DCAF16: variants seen among roughly 807,000 people sequenced by gnomAD.
DCAF16 encodes the protein DDB1 and CUL4 associated factor 16, also known as DDB1- and CUL4-associated factor 16.
Under a neutral mutation model 17.3 loss-of-function variants are expected in DCAF16, and 10 were observed. That is an observed-to-expected ratio of 0.58 (90% CI 0.36 to 0.98). DCAF16 has a LOEUF of 0.98. DCAF16 is among the 50% of genes least tolerant of loss of function. DCAF16 has a pLI of 0.01. For missense variants in DCAF16, 249 were observed against 247.6 expected, an observed-to-expected ratio of 1.01 and a Z score of -0.04; for synonymous variants, 111 against 92.8, an observed-to-expected ratio of 1.20 and a Z score of -1.12.
At chr4:17,798,209 G>A (rs2109010268), downstream of DCAF16, among the ~76,000 whole-genome samples, 1 of 151,504 alleles carries the variant, frequency 6.6e-6, no homozygotes, top group South Asian at 2.1e-4. Context: ...AGTCAACTTC[G>A]TTTTATGATT....
At chr4:17,808,638 T>C (rs1365821407) in intron 1 of DCAF16, among the ~76,000 whole-genome samples, 1 of 151,602 alleles carries the variant, frequency 6.6e-6, no homozygotes, top group East Asian at 1.9e-4. Context: ...AACCGAAATA[T>C]AGTTAGGCTG....
intron 1 of DCAF16, among the ~76,000 whole-genome samples, chr4:17,807,831 A>T (rs1720468608): frequency 6.6e-6 from 1 of 152,224 alleles, no homozygotes; most frequent in Non-Finnish European, 1.5e-5. Context: ...AAAGTCAGTG[A>T]ACATTTTCAT....
chr4:17,803,372 T>C lies in DCAF16; in HGVS notation c.*119A>G. The C allele has an allele frequency of 1.0e-6, 1 of 971,698 alleles. No homozygotes were observed. The highest frequency in any genetic ancestry group is 1.5e-5 in the South Asian group (1 of 64,866). 60.2% of individuals were successfully genotyped at this position (971,698 alleles called of 1,614,324 possible). A position where few individuals can be genotyped will look rare whatever the true frequency, so the allele number is the denominator to read the frequency against. ...AGGGTTTGTCAAAGGGTATCCTCAT[T>C]GGCTTGCCAGGGCATAAGAGAGTTT... On this transcript the variant is annotated 3_prime_UTR_variant, in exon 3 of 3. Coordinates refer to ENST00000382247, the MANE Select transcript of DCAF16 (RefSeq NM_017741.4).
downstream of DCAF16, among the ~76,000 whole-genome samples, chr4:17,800,144 C>CA (rs971077538): frequency 0.077 from 3,433 of 44,806 alleles, 165 homozygotes; most frequent in African/African-American, 0.17. Flanking sequence ...AACTCCATCT[C>CA]AAAAAAAAAA....
At position 17,804,238 on chromosome 4, in the gene DCAF16, C is replaced by A; in HGVS notation, c.-97G>T. 1 of 1,051,546 alleles carries A rather than the reference C, an allele frequency of 9.5e-7. No homozygotes were observed. Among genetic ancestry groups the A allele is most frequent in the Non-Finnish European group, 1.4e-6 (1 of 720,312 alleles). 65.1% of individuals were successfully genotyped at this position (1,051,546 alleles called of 1,614,324 possible). ...AAATAGAAATAAGAGATGAAAAATC[C>A]TTTCACCAAGATTAATTTGTCTTTC... On this transcript the variant is annotated 5_prime_UTR_variant, in exon 3 of 3. In the 5' UTR this introduces an upstream ATG that the reference lacks. Transcript: ENST00000382247.
rs78999647 is a variant in DCAF16, at chr4:17,800,765, C to T, written c.*2726G>A. On this transcript the variant is annotated 3_prime_UTR_variant, in exon 3 of 3. Transcript: ENST00000382247. ...TGAGCAAGGCACTTTTATACACACA[C>T]AGAGAGAAAAAGGAACGTATTATGA... 6,170 of 152,604 alleles carry T rather than the reference C, an allele frequency of 0.04. 146 individuals carry two copies. Among genetic ancestry groups the T allele is most frequent in the East Asian group, 0.13 (663 of 5,176 alleles). 9.5% of individuals were successfully genotyped at this position (152,604 alleles called of 1,614,324 possible). A position where few individuals can be genotyped will look rare whatever the true frequency, so the allele number is the denominator to read the frequency against.
chr4:17,807,097 A>C (rs1720400986), intron 1 of DCAF16, among the ~76,000 whole-genome samples: 1 of 152,224 alleles, frequency 6.6e-6, no homozygotes, highest in Admixed American at 6.5e-5. Context: ...AGGATTCATG[A>C]TGGATTAAAG....
downstream of DCAF16, among the ~76,000 whole-genome samples, chr4:17,798,776 G>A (rs1257603894): frequency 6.6e-6 from 1 of 152,110 alleles, no homozygotes; most frequent in Non-Finnish European, 1.5e-5. Flanking sequence ...TCTCACTGCG[G>A]CTGCTAATTG....
In DCAF16 at chr4:17,804,693, T is replaced by TCC. The variant is rs1720146664; in HGVS notation, c.-553_-552insGG. ...ATAAGGATCCGATGCTTTCCATAGGTGATGCAAATGCCCTTGGAAACTGGT... is the reference window on the plus strand; with the variant it reads ...ATAAGGATCCGATGCTTTCCATAGGTCCGATGCAAATGCCCTTGGAAACTGGT... On this transcript the variant is annotated 5_prime_UTR_variant, in exon 3 of 3. Transcript: ENST00000382247. 2 of 169,254 alleles carry TCC rather than the reference T, an allele frequency of 1.2e-5. No individual in the cohort carries two copies. Among genetic ancestry groups the TCC allele is most frequent in the East Asian group, 3.8e-4 (2 of 5,208 alleles). The allele number at this position is 169,254 out of a possible 1,614,324, so 10.5% of individuals were successfully genotyped here. A position where few individuals can be genotyped will look rare whatever the true frequency, so the allele number is the denominator to read the frequency against.
downstream of DCAF16, among the ~76,000 whole-genome samples, chr4:17,796,090 G>C (rs1361740230): frequency 6.6e-6 from 1 of 152,108 alleles, no homozygotes; most frequent in African/African-American, 2.4e-5. Flanking sequence ...AAGTCTGTTT[G>C]GTTTAATTTC....
In DCAF16 at chr4:17,803,427, T is replaced by C; in HGVS notation, c.*64A>G. 6.8e-7 allele frequency: 1 copy of C among 1,476,992 alleles called. No homozygotes were observed. Among genetic ancestry groups the C allele is most frequent in the Non-Finnish European group, 9.3e-7 (1 of 1,070,624 alleles). 91.5% of individuals were successfully genotyped at this position (1,476,992 alleles called of 1,614,324 possible). On this transcript the variant is annotated 3_prime_UTR_variant, in exon 3 of 3. Transcript: ENST00000382247. ...GAGAAGGCATTAGTGGGCTGTGTAA[T>C]GACTAACTTTGTACCACTTTCTCAA...
chr4:17,803,700 CA>C lies in DCAF16; in HGVS notation c.441del (p.Phe147LeufsTer6), dbSNP rs776698209. ...DHATLNGALQFATKQLSRTLS... is the reference protein window; with the variant it reads ...DHATLNGALQXATKQLSRTLS... Reference sequence around the variant, plus strand: ...AATGTTCGGCTTAGCTGTTTGGTGGCAAATTGCAGTGCTCCATTTAGAGTGG... The same window carrying C: ...AATGTTCGGCTTAGCTGTTTGGTGGCAATTGCAGTGCTCCATTTAGAGTGG... On this transcript the variant is annotated frameshift_variant, in exon 3 of 3. Transcript: ENST00000382247. LOFTEE classifies it high-confidence loss of function. 2.5e-6 allele frequency: 4 copies of C among 1,614,022 alleles called. No individual in the cohort carries two copies. Among genetic ancestry groups the C allele is most frequent in the Non-Finnish European group, 3.4e-6 (4 of 1,180,040 alleles).
At position 17,804,081 on chromosome 4, in the gene DCAF16, T is replaced by C. The variant is rs758461267; in HGVS notation, c.61A>G (p.Asn21Asp). ...LSESESEEEE[N>D]ISYLNESSGE... ...GAACTCTCATTTAGGTAACTAATAT[T>C]TTCTTCTTCCTCACTTTCTGATTCT... Residue 21 changes from asparagine to aspartate, a missense_variant, in exon 3 of 3, where the codon AAT (asparagine) becomes GAT (aspartate). Asn to Asp is a conservative substitution (Grantham distance 23, BLOSUM62 1). Coordinates refer to ENST00000382247, the MANE Select transcript of DCAF16 (RefSeq NM_017741.4). 1.2e-6 allele frequency: 2 copies of C among 1,614,174 alleles called. No individual in the cohort carries two copies. Among genetic ancestry groups the C allele is most frequent in the South Asian group, 2.2e-5 (2 of 91,086 alleles).
At chr4:17,800,586 T>C (rs1719671549), downstream of DCAF16, 1 of 152,636 alleles carries the variant, frequency 6.6e-6, no homozygotes, top group Non-Finnish European at 1.5e-5. Flanking sequence ...CAGTACTTAG[T>C]GAATGTAGAA....
chr4:17,798,881 A>G (rs757780753), downstream of DCAF16, among the ~76,000 whole-genome samples: 24 of 152,202 alleles, frequency 1.6e-4, no homozygotes, highest in Non-Finnish European at 2.6e-4. Flanking sequence ...CACATCATAG[A>G]CATTTTTCTT....
Position 17,803,959 on chromosome 4 carries a change from T to C in DCAF16, c.183A>G (p.Lys61=). The change falls in exon 3 of 3, where the codon AAA becomes AAG. Residue 61 remains lysine, a synonymous_variant. Transcript: ENST00000382247. ...TTAAAGGTTTCCAAGTTGTGGAATATTTTAAAAGGCACTTAACCTGCCAGG... is the reference window on the plus strand; with the variant it reads ...TTAAAGGTTTCCAAGTTGTGGAATACTTTAAAAGGCACTTAACCTGCCAGG... The part of the protein sequence containing the change: ...SLAWQVKCLL[K]YSTTWKPLNP... The C allele has an allele frequency of 2.5e-6, 4 of 1,614,182 alleles. No individual in the cohort carries two copies. The highest frequency in any genetic ancestry group is 3.4e-6 in the Non-Finnish European group (4 of 1,180,028).
chr4:17,794,752 G>T, the DCAF16 span, among the ~76,000 whole-genome samples: 1 of 152,128 alleles, frequency 6.6e-6, no homozygotes, highest in Non-Finnish European at 1.5e-5. Context: ...TAGCTGACAA[G>T]ACTCCAATTT....
downstream of DCAF16, among the ~76,000 whole-genome samples, chr4:17,796,050 C>T (rs1410540312): frequency 6.6e-6 from 1 of 152,188 alleles, no homozygotes; most frequent in East Asian, 1.9e-4. Context: ...ACATCACTAC[C>T]ATTACCATCC....
chr4:17,807,414 T>C (rs1720424735), intron 1 of DCAF16, among the ~76,000 whole-genome samples: 1 of 152,224 alleles, frequency 6.6e-6, no homozygotes, highest in Non-Finnish European at 1.5e-5. Context: ...TTTGGTAGAA[T>C]AAGAAAGCTG....
Sources: allele counts gnomAD v4.1 joint callset (sites outside exome capture counted in the v4.1 genomes callset), GRCh38; gene constraint gnomAD v4.1.1; transcripts MANE v1.5; gene names NCBI Gene and HGNC (gene_info 2026-07-23, HGNC 2026-07-21).